Variants in CYB5R3 observed in about 807,000 individuals in gnomAD.
The protein encoded by CYB5R3 is cytochrome b5 reductase 3, also known as NADH-cytochrome b5 reductase 3.
A neutral mutation model predicts 36.5 loss-of-function variants in CYB5R3; 28 were observed. The observed-to-expected ratio is 0.77, with a 90% CI of 0.57 to 1.05. The LOEUF (loss-of-function observed/expected upper bound fraction) is 1.05. CYB5R3 is among the 50% of genes least tolerant of loss of function. The pLI, the probability that CYB5R3 is intolerant of heterozygous loss-of-function variation, is 0.00. For missense variants in CYB5R3, 474 were observed against 408.9 expected (o/e 1.16, Z -1.37); for synonymous variants, 181 against 159.8 (o/e 1.13, Z -1.00).
intron 1 of CYB5R3, among the ~76,000 whole-genome samples, chr22:42,642,265 C>G (rs939386699): frequency 6.6e-6 from 1 of 152,004 alleles, no homozygotes; most frequent in Non-Finnish European, 1.5e-5. Flanking sequence ...GCACGTACCA[C>G]CAGGCCTTGG....
rs1268868276 is a variant in CYB5R3, at chr22:42,627,224, C to T, written c.633+80G>A. On this transcript the variant is annotated intron_variant, in intron 7 of 8. Coordinates refer to ENST00000352397, the MANE Select transcript of CYB5R3 (RefSeq NM_000398.7). ...AGAATCTCAGCAGAGCTGTGCAGAC[C>T]CCTGGAACAGCACCTGACCAGGCCC... 12 of 1,177,082 alleles carry T rather than the reference C, an allele frequency of 1.0e-5. No individual in the cohort carries two copies. In the African/African-American group the frequency reaches 1.4e-4, roughly 13 times the overall value. The allele number at this position is 1,177,082 out of a possible 1,614,324, so 72.9% of individuals were successfully genotyped here.
chr22:42,630,951 G>C lies in CYB5R3; in HGVS notation c.264C>G (p.Asn88Lys). 6.2e-7 allele frequency: 1 copy of C among 1,614,030 alleles called. No individual in the cohort carries two copies. The highest frequency in any genetic ancestry group is 8.5e-7 in the Non-Finnish European group (1 of 1,179,988). Residue 88 changes from asparagine (N) to lysine (K), a missense_variant, in exon 4 of 9, where the codon AAC becomes AAG. Coordinates refer to ENST00000352397, the MANE Select transcript of CYB5R3 (RefSeq NM_000398.7). Reference sequence around the variant, plus strand: ...TGGGTGTATAGGGCCGGACGACCAGGTTTCCATCAATTCGAGCCGAGAGGT... The same window carrying C: ...TGGGTGTATAGGGCCGGACGACCAGCTTTCCATCAATTCGAGCCGAGAGGT... Reference protein sequence around the residue: ...HIYLSARIDGNLVVRPYTPIS... With the variant: ...HIYLSARIDGKLVVRPYTPIS...
At position 42,639,828 on chromosome 22, in the gene CYB5R3, G is replaced by A. The variant is rs1651466209; in HGVS notation, c.22-2982C>T. On this transcript the variant is annotated intron_variant, in intron 1 of 8. Transcript: ENST00000352397. Reference sequence around the variant, plus strand: ...ACAGTTGACCCTTGAACATGGGTTGGAACTGCTTGATTCACTTTTTTTTTT... The same window carrying A: ...ACAGTTGACCCTTGAACATGGGTTGAAACTGCTTGATTCACTTTTTTTTTT... 4 of 1,041,098 alleles carry A rather than the reference G, an allele frequency of 3.8e-6. No homozygotes were observed. The Admixed American group carries it at 9.1e-5, about 24-fold the overall frequency. The allele number at this position is 1,041,098 out of a possible 1,614,324, so 64.5% of individuals were successfully genotyped here.
chr22:42,647,183 C>G (rs1296722846), intron 1 of CYB5R3: 2 of 157,280 alleles, frequency 1.3e-5, no homozygotes, highest in Admixed American at 1.3e-4. Context: ...AAGCGAGGAT[C>G]CCAGCAGCAC....
chr22:42,634,026 A>T (rs897411917), intron 2 of CYB5R3, among the ~76,000 whole-genome samples: 1 of 152,136 alleles, frequency 6.6e-6, no homozygotes, highest in Admixed American at 6.6e-5. Flanking sequence ...TGGGTAAGAA[A>T]AAAACATGTG....
intron 8 of CYB5R3, among the ~76,000 whole-genome samples, chr22:42,621,908 G>C (rs571797635): frequency 6.6e-6 from 1 of 152,376 alleles, no homozygotes; most frequent in Non-Finnish European, 1.5e-5. Flanking sequence ...CCTTTAGACT[G>C]ACACATGGGT....
intron 1 of CYB5R3, among the ~76,000 whole-genome samples, chr22:42,648,839 T>TACACAC (rs962507681): frequency 7.4e-6 from 1 of 135,722 alleles, no homozygotes; most frequent in Non-Finnish European, 1.6e-5. Flanking sequence ...CATACTCCCG[T>TACACAC]ACACACACAC....
chr22:42,636,943 C>T, intron 1 of CYB5R3, 97 bp from the exon 2 acceptor site: 1 of 1,513,578 alleles, frequency 6.6e-7, no homozygotes, highest in Non-Finnish European at 8.9e-7. Context: ...ACGCTGCCCC[C>T]TCTGCCAGGA....
chr22:42,634,912 C>G (rs1928810578), intron 2 of CYB5R3, among the ~76,000 whole-genome samples: 1 of 151,056 alleles, frequency 6.6e-6, no homozygotes, highest in South Asian at 2.1e-4. Flanking sequence ...TCACGCCATT[C>G]TCCTGCTTCA....
At chr22:42,640,939 C>T (rs1377391120) in intron 1 of CYB5R3, among the ~76,000 whole-genome samples, 3 of 152,112 alleles carry the variant, frequency 2.0e-5, no homozygotes, top group Non-Finnish European at 4.4e-5. Context: ...TCACTGCAAC[C>T]TCCAACTCCC....
chr22:42,621,218 GTT>G (rs1491122839), intron 8 of CYB5R3, among the ~76,000 whole-genome samples: 2 of 149,498 alleles, frequency 1.3e-5, no homozygotes, highest in African/African-American at 5.0e-5. Flanking sequence ...GTGTGTGTGT[GTT>G]TTTAAGAGAC....
At chr22:42,638,251 C>A (rs1929004522) in intron 1 of CYB5R3, among the ~76,000 whole-genome samples, 1 of 151,682 alleles carries the variant, frequency 6.6e-6, no homozygotes. Flanking sequence ...CAAAAATTAG[C>A]CGGGCGTGGT....
chr22:42,635,876 C>A (rs1047427678), intron 2 of CYB5R3, among the ~76,000 whole-genome samples: 1 of 152,114 alleles, frequency 6.6e-6, no homozygotes, highest in African/African-American at 2.4e-5. Context: ...GGGGGCAAGG[C>A]AAAAGAGGGA....
intron 1 of CYB5R3, among the ~76,000 whole-genome samples, chr22:42,637,578 G>A (rs976372302): frequency 1.3e-5 from 2 of 152,100 alleles, no homozygotes; most frequent in African/African-American, 2.4e-5. Context: ...GTGTGACCCC[G>A]AGAAAGTCCC....
chr22:42,636,630 C>G, intron 2 of CYB5R3, 85 bp downstream of exon 2: 2 of 1,566,252 alleles, frequency 1.3e-6, no homozygotes, highest in East Asian at 4.6e-5. Context: ...GTATCTACTT[C>G]AGAGCAGGAC....
intron 3 of CYB5R3, 68 bp from the exon 4 acceptor site, chr22:42,631,056 C>A: frequency 7.3e-7 from 1 of 1,370,122 alleles, no homozygotes; most frequent in East Asian, 2.4e-5. Context: ...GTCTTGTCAA[C>A]CCACTCCCCT....
At chr22:42,642,642 G>A (rs1055317393) in intron 1 of CYB5R3, among the ~76,000 whole-genome samples, 5 of 152,032 alleles carry the variant, frequency 3.3e-5, no homozygotes, top group Admixed American at 1.3e-4. Context: ...GTTTCACTGC[G>A]TTAGCCAGGA....
chr22:42,630,905 C>A lies in CYB5R3; in HGVS notation c.310G>T (p.Gly104Cys), dbSNP rs1299251737. 6.2e-7 allele frequency: 1 copy of A among 1,613,836 alleles called. No individual in the cohort carries two copies. Among genetic ancestry groups the A allele is most frequent in the South Asian group, 1.1e-5 (1 of 90,928 alleles). The stretch of plus-strand genomic sequence containing the variant: ...ACCTTGATGACCAGGTCCACGAAGC[C>A]CTTGTCATCATCGCTGGAGATGGGT... ...YTPISSDDDKGFVDLVIKVYF... is the reference protein window; with the variant it reads ...YTPISSDDDKCFVDLVIKVYF... The change falls in exon 4 of 9, where the codon GGC becomes TGC. Residue 104 changes from glycine (G) to cysteine (C), a missense_variant. Coordinates refer to ENST00000352397, the MANE Select transcript of CYB5R3 (RefSeq NM_000398.7).
rs1172504850 is a variant in CYB5R3, at chr22:42,618,507, A to G, written c.*1266T>C. 1.4e-5 allele frequency: 2 copies of G among 138,940 alleles called. No homozygotes were observed. The highest frequency in any genetic ancestry group is 5.8e-5 in the African/African-American group (2 of 34,762). 8.6% of individuals were successfully genotyped at this position (138,940 alleles called of 1,614,324 possible). On this transcript the variant is annotated 3_prime_UTR_variant, in exon 9 of 9. Transcript: ENST00000352397. ...AGCCGAGATCCCGCCACTGCACTCC[A>G]GCCTGGGCGACAGAGCGAGACTCCG...
Sources: allele counts gnomAD v4.1 joint callset (sites outside exome capture counted in the v4.1 genomes callset), GRCh38; gene constraint gnomAD v4.1.1; transcripts MANE v1.5; gene names NCBI Gene and HGNC (gene_info 2026-07-23, HGNC 2026-07-21).